The following TXLNA variants were observed in gnomAD, a reference collection of about 807,000 sequenced individuals.
The protein encoded by TXLNA is taxilin alpha, also known as alpha-taxilin.
Under a neutral mutation model 61.4 loss-of-function variants are expected in TXLNA, and 9 were observed. The observed-to-expected ratio is 0.15, with a 90% CI of 0.09 to 0.26. The LOEUF is 0.26. Ranked by LOEUF, TXLNA falls within the 10% of genes least tolerant of loss-of-function variation. The pLI, the probability that TXLNA is intolerant of heterozygous loss-of-function variation, is 1.00. For synonymous variants in TXLNA, 257 were observed against 267.7 expected (o/e 0.96, Z 0.39); for missense variants, 565 against 688.8 (o/e 0.82, Z 2.01).
chr1:32,190,095 G>A lies in TXLNA; in HGVS notation c.809G>A (p.Arg270His), dbSNP rs776440607. The A allele has an allele frequency of 6.3e-6, 10 of 1,589,806 alleles. No individual in the cohort carries two copies. Among genetic ancestry groups the A allele is most frequent in the African/African-American group, 1.3e-5 (1 of 74,698 alleles). ...CGGGCCCGGGAGGAGGAGGAGAAGC[G>A]CAAGGAGGTGACCTCGCACTTCCAG... ...VQRAREEEEK[R>H]KEVTSHFQVT... Residue 270 changes from arginine (R) to histidine (H), a missense_variant, in exon 6 of 11, where the codon CGC becomes CAC. By Grantham distance (29) the Arg-to-His change is conservative. Transcript: ENST00000373610.
In TXLNA at chr1:32,195,038, C is replaced by T; in HGVS notation, c.1484C>T (p.Ser495Phe). 6.2e-7 allele frequency: 1 copy of T among 1,614,172 alleles called. No individual in the cohort carries two copies. The highest frequency in any genetic ancestry group is 8.5e-7 in the Non-Finnish European group (1 of 1,180,008). The change falls in exon 11 of 11, where the codon TCC (serine) becomes TTC (phenylalanine). Residue 495 changes from serine (S) to phenylalanine (F), a missense_variant. Coordinates refer to ENST00000373610, the MANE Select transcript of TXLNA (RefSeq NM_175852.4). ...VQDLSAGGQGSLTDSGPERRP... is the reference protein window; with the variant it reads ...VQDLSAGGQGFLTDSGPERRP... ...GACCTGAGTGCTGGTGGCCAGGGCT[C>T]CCTCACTGACAGTGGCCCTGAGAGG...
In TXLNA at chr1:32,195,374, A is replaced by G; in HGVS notation, c.*179A>G. ...TTTTACGTACATAGGGCATTTTGCAAGGCCTTGCAAATGCATTTATACCTG... is the reference window on the plus strand; with the variant it reads ...TTTTACGTACATAGGGCATTTTGCAGGGCCTTGCAAATGCATTTATACCTG... On this transcript the variant is annotated 3_prime_UTR_variant, in exon 11 of 11. Coordinates refer to ENST00000373610, the MANE Select transcript of TXLNA (RefSeq NM_175852.4). The G allele has an allele frequency of 1.5e-6, 1 of 645,230 alleles. No individual in the cohort carries two copies. The highest frequency in any genetic ancestry group is 2.7e-6 in the Non-Finnish European group (1 of 373,702). The allele number at this position is 645,230 out of a possible 1,614,324, so 40.0% of individuals were successfully genotyped here.
rs148728541 is a variant in TXLNA, at chr1:32,195,840, G to T, written c.*645G>T. The T allele has an allele frequency of 2.2e-6, 1 of 454,702 alleles. No individual in the cohort carries two copies. The allele number at this position is 454,702 out of a possible 1,614,324, so 28.2% of individuals were successfully genotyped here. A position where few individuals can be genotyped will look rare whatever the true frequency, so the allele number is the denominator to read the frequency against. ...TTGGGCATCGCTTCCCCTGCCCTTTGGTAGTGCCAGGACCAGGCCAATGAT... is the reference window on the plus strand; with the variant it reads ...TTGGGCATCGCTTCCCCTGCCCTTTTGTAGTGCCAGGACCAGGCCAATGAT... On this transcript the variant is annotated 3_prime_UTR_variant, in exon 11 of 11. Transcript: ENST00000373610.
intron 3 of TXLNA, among the ~76,000 whole-genome samples, chr1:32,182,024 T>A (rs1557498174): frequency 6.6e-6 from 1 of 151,820 alleles, no homozygotes; most frequent in Non-Finnish European, 1.5e-5. Context: ...GATGGAGGCT[T>A]TACTGCTTCC....
chr1:32,194,069 C>G lies in TXLNA; in HGVS notation c.1256C>G (p.Thr419Ser). The G allele has an allele frequency of 1.2e-6, 2 of 1,612,964 alleles. No homozygotes were observed. The highest frequency in any genetic ancestry group is 1.7e-6 in the Non-Finnish European group (2 of 1,179,426). Residue 419 changes from threonine to serine, a missense_variant, in exon 10 of 11, where the codon ACT (threonine) becomes AGT (serine). Physicochemically the swap from Thr to Ser is moderately conservative, Grantham distance 58 (BLOSUM62 1). Transcript: ENST00000373610. ...TCTGTCTGTCACATAACCTAGATGA[C>G]TAAGAAGATCAAGAAGCTGGAGAAA... ...TTFKQEMEKM[T>S]KKIKKLEKET...
At chr1:32,186,632 G>T (rs2124145697) in intron 4 of TXLNA, among the ~76,000 whole-genome samples, 1 of 152,278 alleles carries the variant, frequency 6.6e-6, no homozygotes, top group East Asian at 1.9e-4. Context: ...AAGGAGAGTG[G>T]AAGGATGGTT....
chr1:32,191,286 T>C (rs550083439), intron 6 of TXLNA, among the ~76,000 whole-genome samples: 1 of 152,216 alleles, frequency 6.6e-6, no homozygotes, highest in South Asian at 2.1e-4. Flanking sequence ...GGCCCTTTCC[T>C]AGCCCCTGGG....
rs1377133927 is a variant in TXLNA, at chr1:32,189,716, G to C, written c.769-339G>C. 2.0e-5 allele frequency among the ~76,000 whole-genome samples: 3 copies of C among 152,080 alleles called. No individual in the cohort carries two copies. The East Asian group carries it at 5.8e-4, about 29-fold the overall frequency. Reference sequence around the variant, plus strand: ...CACACCATCACGCCGGCTAATTTTTGTATTTTAGTAGAAACGGGGTTTCAC... The same window carrying C: ...CACACCATCACGCCGGCTAATTTTTCTATTTTAGTAGAAACGGGGTTTCAC... On this transcript the variant is annotated intron_variant, in intron 5 of 10. Transcript: ENST00000373610.
In TXLNA at chr1:32,196,691, A is replaced by G. The variant is rs1178799679; in HGVS notation, c.*1496A>G. 6.6e-6 allele frequency: 1 copy of G among 152,216 alleles called. No individual in the cohort carries two copies. The highest frequency in any genetic ancestry group is 2.4e-5 in the African/African-American group (1 of 41,558). 9.4% of individuals were successfully genotyped at this position (152,216 alleles called of 1,614,324 possible). A position where few individuals can be genotyped will look rare whatever the true frequency, so the allele number is the denominator to read the frequency against. On this transcript the variant is annotated 3_prime_UTR_variant, in exon 11 of 11. Coordinates refer to ENST00000373610, the MANE Select transcript of TXLNA (RefSeq NM_175852.4). The stretch of plus-strand genomic sequence containing the variant: ...AATGACTCAGACCAAGATGGATAGG[A>G]TGGTTAGGGCTTTGCTTCTTGCTGT...
Position 32,196,415 on chromosome 1 carries a change from T to C in TXLNA, c.*1220T>C, listed in dbSNP as rs903865826. The stretch of plus-strand genomic sequence containing the variant: ...GCACCTCCCTGCCTGTCCTTGGGGA[T>C]TCTACTTCTTCCTGTGTGGGAGCCC... On this transcript the variant is annotated 3_prime_UTR_variant, in exon 11 of 11. Transcript: ENST00000373610. 2.0e-5 allele frequency: 3 copies of C among 152,240 alleles called. No homozygotes were observed. Among genetic ancestry groups the C allele is most frequent in the African/African-American group, 7.2e-5 (3 of 41,440 alleles). The allele number at this position is 152,240 out of a possible 1,614,324, so 9.4% of individuals were successfully genotyped here.
At chr1:32,194,491 C>G (rs1319678302) in intron 10 of TXLNA, among the ~76,000 whole-genome samples, 1 of 152,104 alleles carries the variant, frequency 6.6e-6, no homozygotes, top group Admixed American at 6.5e-5. Flanking sequence ...AAGGAACTAA[C>G]GATGGAGCAG....
intron 3 of TXLNA, among the ~76,000 whole-genome samples, chr1:32,182,431 C>T (rs186640550): frequency 8.7e-4 from 132 of 152,072 alleles, no homozygotes; most frequent in Non-Finnish European, 1.6e-3. Context: ...GAGGCCGAGG[C>T]GGGTGGATCA....
In TXLNA at chr1:32,189,948, G is replaced by T. The variant is rs1012839121; in HGVS notation, c.769-107G>T. On this transcript the variant is annotated intron_variant, in intron 5 of 10. Transcript: ENST00000373610. ...ACATCCTGGAGTCTGGCTACTCCAC[G>T]CTTTGGGAGCAGGGAGGGCTGTTGG... 1.9e-5 allele frequency: 23 copies of T among 1,234,176 alleles called. 2 individuals are homozygous for T. The Middle Eastern group carries it at 8.6e-4, about 46-fold the overall frequency. The allele number at this position is 1,234,176 out of a possible 1,614,324, so 76.5% of individuals were successfully genotyped here.
Position 32,196,868 on chromosome 1 carries a change from A to G in TXLNA, c.*1673A>G, listed in dbSNP as rs1273516007. On this transcript the variant is annotated 3_prime_UTR_variant, in exon 11 of 11. Transcript: ENST00000373610. The stretch of plus-strand genomic sequence containing the variant: ...GTGTGACTGAGACCAGAGATGGCAA[A>G]TGAATGGCACACCATTTCTCCTTCT... 1 of 152,262 alleles carries G rather than the reference A, an allele frequency of 6.6e-6. No individual in the cohort carries two copies. The highest frequency in any genetic ancestry group is 1.9e-4 in the East Asian group (1 of 5,204). 9.4% of individuals were successfully genotyped at this position (152,262 alleles called of 1,614,324 possible).
In TXLNA at chr1:32,195,815, T is replaced by C. The variant is rs1335667165; in HGVS notation, c.*620T>C. Reference sequence around the variant, plus strand: ...GGATGATGTGCTGGTCAGGAGCCCCTTGGGCATCGCTTCCCCTGCCCTTTG... The same window carrying C: ...GGATGATGTGCTGGTCAGGAGCCCCCTGGGCATCGCTTCCCCTGCCCTTTG... On this transcript the variant is annotated 3_prime_UTR_variant, in exon 11 of 11. Transcript: ENST00000373610. 9.0e-5 allele frequency: 41 copies of C among 455,964 alleles called. No individual in the cohort carries two copies. The Admixed American group carries it at 9.4e-4, about 10-fold the overall frequency. 28.2% of individuals were successfully genotyped at this position (455,964 alleles called of 1,614,324 possible). A position where few individuals can be genotyped will look rare whatever the true frequency, so the allele number is the denominator to read the frequency against.
Position 32,181,329 on chromosome 1 carries a change from A to T in TXLNA, c.257A>T (p.Tyr86Phe), listed in dbSNP as rs1480360722. The T allele has an allele frequency of 6.2e-7, 1 of 1,614,040 alleles. No homozygotes were observed. Among genetic ancestry groups the T allele is most frequent in the Admixed American group, 1.7e-5 (1 of 59,994 alleles). The change falls in exon 3 of 11, where the codon TAC (tyrosine) becomes TTC (phenylalanine). Residue 86 changes from tyrosine (Y) to phenylalanine (F), a missense_variant. Tyr to Phe is a conservative substitution (Grantham distance 22, BLOSUM62 3). This residue lies in a region of TXLNA where 192 missense variants were observed against 184.8 expected (regional missense o/e 1.04). Transcript: ENST00000373610. ...SRQLEDILST[Y>F]CVDNNQGGPG... is the part of the protein sequence containing the mutation. ...CAACTGGAAGACATACTGAGCACATACTGTGTGGACAATAACCAGGGGGGC... is the reference window on the plus strand; with the variant it reads ...CAACTGGAAGACATACTGAGCACATTCTGTGTGGACAATAACCAGGGGGGC...
chr1:32,180,211 C>G (rs1020816133), intron 1 of TXLNA, 103 bp from the exon 2 acceptor site: 2 of 1,247,052 alleles, frequency 1.6e-6, no homozygotes, highest in Non-Finnish European at 2.2e-6. Flanking sequence ...GCCTGCCGGT[C>G]CGTTTATTTT....
At chr1:32,188,825 C>T (rs1444356328) in intron 5 of TXLNA, among the ~76,000 whole-genome samples, 3 of 152,186 alleles carry the variant, frequency 2.0e-5, no homozygotes, top group Admixed American at 6.5e-5. Context: ...CCCTGGTAAG[C>T]GGAGGCCTGG....
chr1:32,186,069 C>G (rs191682180), intron 4 of TXLNA, among the ~76,000 whole-genome samples: 10 of 152,308 alleles, frequency 6.6e-5, no homozygotes, highest in Admixed American at 5.2e-4. Flanking sequence ...GAACTTTACT[C>G]ATCTTTAAAA....
Sources: allele counts gnomAD v4.1 joint callset (sites outside exome capture counted in the v4.1 genomes callset), GRCh38; gene constraint gnomAD v4.1.1; regional missense constraint gnomAD v4.1.1; transcripts MANE v1.5; gene names NCBI Gene and HGNC (gene_info 2026-07-23, HGNC 2026-07-21).